The following PCDHGA1 variants were observed in gnomAD, a reference collection of about 807,000 sequenced individuals.
PCDHGA1 encodes protocadherin gamma-A1.
In PCDHGA1, 32 loss-of-function variants were observed where a neutral mutation model predicts 58.0. The observed-to-expected ratio is 0.55, with a 90% CI of 0.42 to 0.74. The LOEUF (loss-of-function observed/expected upper bound fraction) is 0.74. PCDHGA1 is among the 30% of genes least tolerant of loss of function. The pLI, the probability that PCDHGA1 is intolerant of heterozygous loss-of-function variation, is 0.00. For missense variants in PCDHGA1, 1,205 were observed against 1,182.3 expected (o/e 1.02, Z -0.28); for synonymous variants, 498 against 501.1 (o/e 0.99, Z 0.08).
At position 141,489,599 on chromosome 5, in the gene PCDHGA1, A is replaced by T; in HGVS notation, c.2422-5208A>T. The T allele has an allele frequency of 6.2e-7, 1 of 1,614,020 alleles. No homozygotes were observed. The highest frequency in any genetic ancestry group is 8.5e-7 in the Non-Finnish European group (1 of 1,179,970). On this transcript the variant is annotated intron_variant, in intron 1 of 3. Coordinates refer to ENST00000517417, the MANE Select transcript of PCDHGA1 (RefSeq NM_018912.3). This position sits in a 1 kb window ranked among gnomAD's most constrained non-coding sequence, Gnocchi z 4.5. ...CACCCCCTGGAGCTAATCCGTGTAGAGGTAGAGATCCTGGATCTCAATGAC... is the reference window on the plus strand; with the variant it reads ...CACCCCCTGGAGCTAATCCGTGTAGTGGTAGAGATCCTGGATCTCAATGAC...
chr5:141,455,860 ATTAT>A (rs145569377), intron 1 of PCDHGA1, among the ~76,000 whole-genome samples: 54,169 of 139,612 alleles, frequency 0.39, 10,686 homozygotes, highest in Admixed American at 0.44. Context: ...AATTTCTTTT[ATTAT>A]TTATTTATTT....
Position 141,476,231 on chromosome 5 carries a change from G to A in PCDHGA1, c.2422-18576G>A. The A allele has an allele frequency of 6.2e-7, 1 of 1,614,084 alleles. No individual in the cohort carries two copies. Among genetic ancestry groups the A allele is most frequent in the Non-Finnish European group, 8.5e-7 (1 of 1,180,034 alleles). On this transcript the variant is annotated intron_variant, in intron 1 of 3. Coordinates refer to ENST00000517417, the MANE Select transcript of PCDHGA1 (RefSeq NM_018912.3). The surrounding 1 kb of genome is among the most constrained non-coding windows in gnomAD (Gnocchi z 7.6). ...CACGGTCATTCACTATGAGATCCCG[G>A]AGGAAAGAGAGAAGGGTTTCGCTGT...
chr5:141,348,872 G>A (rs1378126048), intron 1 of PCDHGA1, among the ~76,000 whole-genome samples: 1 of 152,130 alleles, frequency 6.6e-6, no homozygotes, highest in Admixed American at 6.6e-5. Flanking sequence ...ATAAATTGTT[G>A]AGTTGGATCT....
chr5:141,468,330 C>CAAAAAAAAAAA (rs533390277), intron 1 of PCDHGA1: 4 of 79,798 alleles, frequency 5.0e-5, no homozygotes, highest in Non-Finnish European at 1.1e-4. Flanking sequence ...AACTCCATCT[C>CAAAAAAAAAAA]AAAAAAAAAA....
chr5:141,425,243 G>T (rs2096863760), intron 1 of PCDHGA1, among the ~76,000 whole-genome samples: 1 of 152,132 alleles, frequency 6.6e-6, no homozygotes, highest in Non-Finnish European at 1.5e-5. Flanking sequence ...AAATAAAAAG[G>T]ATATGAGGTA....
chr5:141,366,300 C>T (rs761287216), intron 1 of PCDHGA1: 8 of 1,613,654 alleles, frequency 5.0e-6, no homozygotes, highest in Non-Finnish European at 6.8e-6. Flanking sequence ...CTGTCAGCCA[C>T]CTTCACGGTC....
At chr5:141,358,500 A>G (rs747831843) in intron 1 of PCDHGA1, among the ~76,000 whole-genome samples, 1 of 152,180 alleles carries the variant, frequency 6.6e-6, no homozygotes, top group African/African-American at 2.4e-5. Context: ...CTTTAACAGG[A>G]TATTTTCTCA....
intron 1 of PCDHGA1, chr5:141,420,344 T>G (rs2096490860): frequency 2.2e-6 from 3 of 1,394,808 alleles, no homozygotes; most frequent in African/African-American, 1.5e-5. Flanking sequence ...TATAGTGGTA[T>G]TATTTTAAGA....
rs750914672 is a variant in PCDHGA1 at position 141,371,927 on chromosome 5, C to A, written c.2421+38822C>A. ...CCTACGTGTCCGTGAGCGCGCGGAG[C>A]GGGGTGGTGTTCGCGCAGCGAGCCT... On this transcript the variant is annotated intron_variant, in intron 1 of 3. Coordinates refer to ENST00000517417, the MANE Select transcript of PCDHGA1 (RefSeq NM_018912.3). 53 of 1,613,208 alleles carry A rather than the reference C, an allele frequency of 3.3e-5. No homozygotes were observed. The highest frequency in any genetic ancestry group is 3.9e-5 in the Non-Finnish European group (46 of 1,179,904).
intron 1 of PCDHGA1, chr5:141,404,106 C>G: frequency 1.2e-6 from 2 of 1,613,428 alleles, no homozygotes; most frequent in Non-Finnish European, 1.7e-6. Flanking sequence ...GTTGTCTGTT[C>G]TATCCAGGAG....
At chr5:141,402,120 T>C (rs17097267) in intron 1 of PCDHGA1, among the ~76,000 whole-genome samples, 16,890 of 152,168 alleles carry the variant, frequency 0.11, 1,101 homozygotes, top group African/African-American at 0.17. Context: ...TGTGAAAATT[T>C]CCAACTTTAA....
At chr5:141,392,818 C>T (rs1306076998) in intron 1 of PCDHGA1, 1 of 1,589,068 alleles carries the variant, frequency 6.3e-7, no homozygotes, top group East Asian at 2.2e-5. Flanking sequence ...ACAACAATGG[C>T]CGCTCCACAG....
rs1357901633 is a variant in PCDHGA1, at chr5:141,476,594, C to G, written c.2422-18213C>G. On this transcript the variant is annotated intron_variant, in intron 1 of 3. Transcript: ENST00000517417. This position sits in a 1 kb window ranked among gnomAD's most constrained non-coding sequence, Gnocchi z 7.6. ...GACGCGCTTTCCGCTCGAGAGCGCG[C>G]ACGATCCCGATGTGGGAAGCAACTC... The G allele has an allele frequency of 3.7e-6, 6 of 1,614,242 alleles. No homozygotes were observed. The highest frequency in any genetic ancestry group is 4.2e-6 in the Non-Finnish European group (5 of 1,180,040).
intron 1 of PCDHGA1, chr5:141,422,314 C>T: frequency 6.5e-7 from 1 of 1,547,838 alleles, no homozygotes; most frequent in Non-Finnish European, 8.7e-7. Context: ...AAACTCTCCT[C>T]CAGGTACAGT....
At chr5:141,348,472 C>CT (rs958946105) in intron 1 of PCDHGA1, among the ~76,000 whole-genome samples, 5 of 152,130 alleles carry the variant, frequency 3.3e-5, no homozygotes, top group African/African-American at 1.2e-4. Flanking sequence ...ATTAGTATCA[C>CT]TTTCCCTGTA....
chr5:141,338,963 A>G (rs548687567), intron 1 of PCDHGA1: 2 of 1,526,178 alleles, frequency 1.3e-6, no homozygotes, highest in Admixed American at 4.4e-5. Flanking sequence ...AAATTGCGAC[A>G]GGAGGGAAAT....
intron 1 of PCDHGA1, among the ~76,000 whole-genome samples, chr5:141,492,167 C>T (rs565536989): frequency 6.6e-6 from 1 of 152,344 alleles, no homozygotes; most frequent in East Asian, 1.9e-4. Context: ...CCTATCCCCG[C>T]ATCACCCAAC....
chr5:141,351,189 GAT>G, intron 1 of PCDHGA1: 1 of 1,614,010 alleles, frequency 6.2e-7, no homozygotes. Context: ...GAGACAAGTA[GAT>G]ATGTGTTGAG....
At chr5:141,392,131 T>C (rs1434001990) in intron 1 of PCDHGA1, 2 of 152,204 alleles carry the variant, frequency 1.3e-5, no homozygotes, top group African/African-American at 4.8e-5. Flanking sequence ...TGTAAAATGA[T>C]TAAGTAGTTT....
Sources: gnomAD v4.1 joint callset for allele counts (sites outside exome capture counted in the v4.1 genomes callset) on GRCh38, gnomAD v4.1.1 for gene constraint, Gnocchi (gnomAD v3.1) non-coding constraint, MANE v1.5 for transcripts, NCBI Gene and HGNC (gene_info 2026-07-23, HGNC 2026-07-21) for gene names.